MARK1: variants seen among roughly 807,000 people sequenced by gnomAD.
MARK1 encodes microtubule affinity regulating kinase 1.
In MARK1, 40 loss-of-function variants were observed where a neutral mutation model predicts 96.3. That is an observed-to-expected ratio of 0.42 (90% CI 0.32 to 0.54). The LOEUF is 0.54. MARK1 is among the 20% of genes least tolerant of loss of function. The pLI is 0.16. For synonymous variants in MARK1, 317 were observed against 341.2 expected (o/e 0.93, Z 0.78); for missense variants, 719 against 984.6 (o/e 0.73, Z 3.61).
At chr1:220,658,379 G>C (rs1372956920) in intron 17 of MARK1, among the ~76,000 whole-genome samples, 2 of 152,128 alleles carry the variant, frequency 1.3e-5, no homozygotes, top group East Asian at 1.9e-4. Flanking sequence ...TACAGGGAAG[G>C]CTTGATAAAA....
At position 220,528,200 on chromosome 1, in the gene MARK1, C is replaced by T. The variant is rs1378104021; in HGVS notation, c.-623C>T. On this transcript the variant is annotated 5_prime_UTR_variant, in exon 1 of 18. Transcript: ENST00000366917. ...CCGCGCCCGCTGCTCCGCGCGCAGCCGGCTCGGGCCGCTCCTCCTGACTGA... is the reference window on the plus strand; with the variant it reads ...CCGCGCCCGCTGCTCCGCGCGCAGCTGGCTCGGGCCGCTCCTCCTGACTGA... The T allele has an allele frequency of 6.7e-6, 1 of 150,346 alleles. No individual in the cohort carries two copies. The highest frequency in any genetic ancestry group is 2.4e-5 in the African/African-American group (1 of 41,256). The allele number at this position is 150,346 out of a possible 1,614,324, so 9.3% of individuals were successfully genotyped here.
At chr1:220,598,285 C>A in intron 3 of MARK1, 46 bp from the exon 4 acceptor site, 2 of 522,276 alleles carry the variant, frequency 3.8e-6, no homozygotes. Flanking sequence ...TCTCTGCTTG[C>A]TTGTTTTTTT....
intron 17 of MARK1, 67 bp downstream of exon 17, chr1:220,657,901 T>A: frequency 8.6e-7 from 1 of 1,167,000 alleles, no homozygotes. Context: ...TTGAAATACT[T>A]ACAGCACTTA....
chr1:220,543,070 T>A (rs1229729615), intron 1 of MARK1, among the ~76,000 whole-genome samples: 1 of 152,220 alleles, frequency 6.6e-6, no homozygotes, highest in Non-Finnish European at 1.5e-5. Context: ...ATTGTTAGAA[T>A]GATTAATTTT....
intron 6 of MARK1, among the ~76,000 whole-genome samples, chr1:220,609,553 C>T (rs1210209433): frequency 6.6e-6 from 1 of 152,204 alleles, no homozygotes; most frequent in Non-Finnish European, 1.5e-5. Flanking sequence ...AGCCCATTTA[C>T]ATTTCAGGTT....
At chr1:220,548,012 A>C (rs1037823209) in intron 1 of MARK1, among the ~76,000 whole-genome samples, 2 of 152,266 alleles carry the variant, frequency 1.3e-5, no homozygotes, top group Non-Finnish European at 2.9e-5. Context: ...AAAAACAGCA[A>C]GAGTATGTCA....
At chr1:220,590,755 C>T (rs375055604) in intron 3 of MARK1, among the ~76,000 whole-genome samples, 4 of 152,148 alleles carry the variant, frequency 2.6e-5, no homozygotes, top group Non-Finnish European at 5.9e-5. Flanking sequence ...AACCATTCTT[C>T]GACAACTGCC....
At chr1:220,635,073 A>G (rs1667872986) in intron 11 of MARK1, among the ~76,000 whole-genome samples, 1 of 152,208 alleles carries the variant, frequency 6.6e-6, no homozygotes, top group Non-Finnish European at 1.5e-5. Context: ...CTTATTTAGC[A>G]CAGTGCCTAG....
chr1:220,633,248 C>T (rs1175050900), intron 11 of MARK1, among the ~76,000 whole-genome samples: 1 of 152,076 alleles, frequency 6.6e-6, no homozygotes, highest in Non-Finnish European at 1.5e-5. Context: ...TTGGAGGGGA[C>T]AGAGCATCCA....
chr1:220,543,955 T>C (rs759742940), intron 1 of MARK1, among the ~76,000 whole-genome samples: 25 of 152,198 alleles, frequency 1.6e-4, no homozygotes, highest in Admixed American at 1.2e-3. Context: ...CCTCATATTA[T>C]GATGAAAATG....
intron 1 of MARK1, chr1:220,576,741 G>A (rs868101769): frequency 6.6e-6 from 1 of 152,132 alleles, no homozygotes; most frequent in Non-Finnish European, 1.5e-5. Context: ...TAGTTAGTAT[G>A]TATCAAATGC....
At chr1:220,565,475 C>T (rs1314176975) in intron 1 of MARK1, among the ~76,000 whole-genome samples, 1 of 151,804 alleles carries the variant, frequency 6.6e-6, no homozygotes, top group East Asian at 1.9e-4. Flanking sequence ...GAAGGAAATG[C>T]TGAAATGTGA....
chr1:220,625,876 C>G, intron 9 of MARK1: 1 of 481,822 alleles, frequency 2.1e-6, no homozygotes, highest in South Asian at 1.7e-5. Flanking sequence ...CAGCTATGGT[C>G]TCCACTGAAC....
intron 13 of MARK1, among the ~76,000 whole-genome samples, chr1:220,643,927 A>G (rs1668429073): frequency 1.3e-5 from 2 of 152,226 alleles, no homozygotes; most frequent in South Asian, 2.1e-4. Flanking sequence ...AGTACTAAAC[A>G]TGGATAGGAA....
At position 220,528,518 on chromosome 1, in the gene MARK1, C is replaced by A. The variant is rs1000806347; in HGVS notation, c.-305C>A. The A allele has an allele frequency of 2.4e-6, 1 of 425,490 alleles. No homozygotes were observed. Among genetic ancestry groups the A allele is most frequent in the Admixed American group, 4.8e-5 (1 of 21,014 alleles). The allele number at this position is 425,490 out of a possible 1,614,324, so 26.4% of individuals were successfully genotyped here. On this transcript the variant is annotated 5_prime_UTR_variant, in exon 1 of 18. Coordinates refer to ENST00000366917, the MANE Select transcript of MARK1 (RefSeq NM_018650.5). ...TCGCCACCGCCTCCCGGCTCCCCTT[C>A]CACGCCTCATCCTGCCAGCCTCGCC...
At chr1:220,573,373 G>A (rs1663604210) in intron 1 of MARK1, among the ~76,000 whole-genome samples, 2 of 152,016 alleles carry the variant, frequency 1.3e-5, no homozygotes, top group South Asian at 4.1e-4. Flanking sequence ...GCCCAGGCTG[G>A]AGTGCAGTGG....
intron 1 of MARK1, among the ~76,000 whole-genome samples, chr1:220,549,916 A>T (rs773669105): frequency 6.6e-6 from 1 of 152,228 alleles, no homozygotes; most frequent in African/African-American, 2.4e-5. Flanking sequence ...GATGTTCAGT[A>T]ATGGTATCAA....
intron 14 of MARK1, among the ~76,000 whole-genome samples, chr1:220,651,757 GA>G: frequency 6.6e-6 from 1 of 152,158 alleles, no homozygotes; most frequent in South Asian, 2.1e-4. Context: ...GTGTGTGTGA[GA>G]TTTTTTTCAT....
At chr1:220,649,573 G>C (rs373223798) in intron 13 of MARK1, among the ~76,000 whole-genome samples, 6 of 152,110 alleles carry the variant, frequency 3.9e-5, no homozygotes, top group African/African-American at 1.4e-4. Context: ...ATCTTAGCCT[G>C]TTTTGCTACC....
Sources: allele counts gnomAD v4.1 joint callset (sites outside exome capture counted in the v4.1 genomes callset), GRCh38; gene constraint gnomAD v4.1.1; transcripts MANE v1.5; gene names NCBI Gene and HGNC (gene_info 2026-07-23, HGNC 2026-07-21).